Variants in ARHGAP15 observed in about 807,000 individuals in gnomAD.
The protein encoded by ARHGAP15 is rho GTPase-activating protein 15.
ARHGAP15 carries 51 observed loss-of-function variants against 63.7 expected under a neutral mutation model. The ratio of observed to expected loss-of-function variants is 0.80; its 90% CI spans 0.64 to 1.01. The LOEUF is 1.01. Ranked by LOEUF, ARHGAP15 falls within the 50% of genes least tolerant of loss-of-function variation. ARHGAP15 has a pLI of 0.00. For synonymous variants in ARHGAP15, 191 were observed against 193.8 expected, an observed-to-expected ratio of 0.99 and a Z score of 0.12; for missense variants, 560 against 564.6, an observed-to-expected ratio of 0.99 and a Z score of 0.08.
intron 2 of ARHGAP15, among the ~76,000 whole-genome samples, chr2:143,172,951 AC>A (rs1690854072): frequency 1.3e-5 from 2 of 152,198 alleles, no homozygotes; most frequent in Admixed American, 1.3e-4. Flanking sequence ...GAGGGCTCGA[AC>A]CTTTAAGGAG....
intron 1 of ARHGAP15, among the ~76,000 whole-genome samples, chr2:143,139,657 C>A (rs1184785316): frequency 2.0e-5 from 3 of 152,014 alleles, no homozygotes; most frequent in African/African-American, 7.2e-5. Context: ...TAGTAGACTT[C>A]GTAGAAAAAG....
At chr2:143,464,355 G>T (rs1205696142) in intron 8 of ARHGAP15, among the ~76,000 whole-genome samples, 1 of 152,068 alleles carries the variant, frequency 6.6e-6, no homozygotes, top group African/African-American at 2.4e-5. Flanking sequence ...ATAAAGAATA[G>T]ACTGAAAATA....
At chr2:143,381,427 C>T (rs77703199) in intron 6 of ARHGAP15, among the ~76,000 whole-genome samples, 152 of 151,298 alleles carry the variant, frequency 1.0e-3, no homozygotes, top group African/African-American at 3.5e-3. Flanking sequence ...GATTCTTATG[C>T]CCCTTGAAAG....
chr2:143,357,096 G>T (rs1484470102), intron 6 of ARHGAP15, among the ~76,000 whole-genome samples: 1 of 152,128 alleles, frequency 6.6e-6, no homozygotes, highest in African/African-American at 2.4e-5. Context: ...ACTTAAATGG[G>T]CTGTAAATAA....
At chr2:143,512,826 T>C (rs558020494) in intron 9 of ARHGAP15, among the ~76,000 whole-genome samples, 1 of 152,348 alleles carries the variant, frequency 6.6e-6, no homozygotes, top group African/African-American at 2.4e-5. Flanking sequence ...TGCCTCTCCC[T>C]GCAAACTAGT....
chr2:143,758,282 A>G (rs913813414), intron 13 of ARHGAP15, among the ~76,000 whole-genome samples: 2 of 151,112 alleles, frequency 1.3e-5, no homozygotes, highest in East Asian at 1.9e-4. Flanking sequence ...GTGTGTGTGT[A>G]TATATATATA....
chr2:143,381,837 G>A (rs146878974), intron 6 of ARHGAP15, among the ~76,000 whole-genome samples: 84 of 151,132 alleles, frequency 5.6e-4, no homozygotes, highest in African/African-American at 2.0e-3. Flanking sequence ...GAAATGTGTG[G>A]TATGTTAGAT....
chr2:143,249,728 C>T (rs1680052903), intron 5 of ARHGAP15, among the ~76,000 whole-genome samples: 1 of 152,006 alleles, frequency 6.6e-6, no homozygotes, highest in Admixed American at 6.6e-5. Context: ...TATGAAAAGA[C>T]AAATGTGGGT....
intron 6 of ARHGAP15, among the ~76,000 whole-genome samples, chr2:143,434,963 AT>A: frequency 6.6e-6 from 1 of 152,300 alleles, no homozygotes; most frequent in East Asian, 1.9e-4. Context: ...CTGAATGTTC[AT>A]TTGATAAATA....
chr2:143,236,775 T>G (rs1318706777), intron 5 of ARHGAP15: 1 of 152,192 alleles, frequency 6.6e-6, no homozygotes, highest in South Asian at 2.1e-4. Context: ...AAATTCTTTT[T>G]TTGTTGTTTA....
intron 11 of ARHGAP15, among the ~76,000 whole-genome samples, chr2:143,611,689 G>C (rs753272606): frequency 6.6e-6 from 1 of 151,984 alleles, no homozygotes; most frequent in Non-Finnish European, 1.5e-5. Flanking sequence ...TATCTACTTA[G>C]CATCACCAAA....
At chr2:143,528,271 C>A (rs942176025) in intron 10 of ARHGAP15, among the ~76,000 whole-genome samples, 1 of 152,166 alleles carries the variant, frequency 6.6e-6, no homozygotes. Context: ...GTTCCCATAA[C>A]CACACAGCAA....
rs541676656 is a variant in ARHGAP15, at chr2:143,405,577, T to G, written c.475-30024T>G. Among the ~76,000 whole-genome samples the G allele has an allele frequency of 3.4e-3, 523 of 152,008 alleles. 4 individuals are homozygous for G. The highest frequency in any genetic ancestry group is 5.8e-3 in the Non-Finnish European group (391 of 67,850). Reference sequence around the variant, plus strand: ...TTCTGTCACTCTAATTCTCAGTAAGTTTTAGCTTAAGGAGTGTCCCTCATT... The same window carrying G: ...TTCTGTCACTCTAATTCTCAGTAAGGTTTAGCTTAAGGAGTGTCCCTCATT... On this transcript the variant is annotated intron_variant, in intron 6 of 13. Coordinates refer to ENST00000295095, the MANE Select transcript of ARHGAP15 (RefSeq NM_018460.4).
chr2:143,463,768 A>G (rs1691075179), intron 8 of ARHGAP15, among the ~76,000 whole-genome samples: 1 of 152,158 alleles, frequency 6.6e-6, no homozygotes, highest in South Asian at 2.1e-4. Flanking sequence ...TGATTATTAG[A>G]GACTTTAATT....
chr2:143,260,186 T>C (rs1375715316), intron 6 of ARHGAP15, among the ~76,000 whole-genome samples: 5 of 152,184 alleles, frequency 3.3e-5, no homozygotes, highest in Non-Finnish European at 7.4e-5. Flanking sequence ...ATGACAAATA[T>C]TATTCAGTTC....
intron 11 of ARHGAP15, among the ~76,000 whole-genome samples, chr2:143,573,593 G>T (rs1409743881): frequency 6.6e-6 from 1 of 152,198 alleles, no homozygotes; most frequent in African/African-American, 2.4e-5. Flanking sequence ...AAAGATAAGT[G>T]AATGCACATT....
rs536293989 is a variant in ARHGAP15, at chr2:143,457,011, G to C, written c.703+19969G>C. 3.9e-5 allele frequency among the ~76,000 whole-genome samples: 6 copies of C among 151,956 alleles called. 1 individual carries two copies. The highest frequency in any genetic ancestry group is 3.3e-4 in the Admixed American group (5 of 15,252). Reference sequence around the variant, plus strand: ...AATTTAACAGATGGTGAGTTAAAAAGTAAAAACAAAATCTCGAATCGTAAC... The same window carrying C: ...AATTTAACAGATGGTGAGTTAAAAACTAAAAACAAAATCTCGAATCGTAAC... On this transcript the variant is annotated intron_variant, in intron 8 of 13. Coordinates refer to ENST00000295095, the MANE Select transcript of ARHGAP15 (RefSeq NM_018460.4).
chr2:143,150,694 T>A (rs1689780149), intron 1 of ARHGAP15, among the ~76,000 whole-genome samples: 1 of 152,030 alleles, frequency 6.6e-6, no homozygotes, highest in Non-Finnish European at 1.5e-5. Flanking sequence ...AATGAGCCAG[T>A]TCTTCAATAT....
chr2:143,652,302 A>C (rs376571150), intron 12 of ARHGAP15, among the ~76,000 whole-genome samples: 2 of 152,080 alleles, frequency 1.3e-5, no homozygotes, highest in African/African-American at 4.8e-5. Flanking sequence ...AGTGCAAAAA[A>C]CAGCCATAGG....
Sources: gnomAD v4.1 joint callset for allele counts (sites outside exome capture counted in the v4.1 genomes callset) on GRCh38, gnomAD v4.1.1 for gene constraint, MANE v1.5 for transcripts, NCBI Gene and HGNC (gene_info 2026-07-23, HGNC 2026-07-21) for gene names.